Variants in PDSS2 observed in about 807,000 individuals in gnomAD.
PDSS2 encodes decaprenyl diphosphate synthase subunit 2.
PDSS2 carries 31 observed loss-of-function variants against 44.5 expected under a neutral mutation model. That is an observed-to-expected ratio of 0.70 (90% CI 0.52 to 0.94). The LOEUF (loss-of-function observed/expected upper bound fraction) is 0.94, where lower values mean the gene tolerates loss of function less well. Ranked by LOEUF, PDSS2 falls within the 40% of genes least tolerant of loss-of-function variation. PDSS2 has a pLI of 0.00. For missense variants in PDSS2, 452 were observed against 482.2 expected (o/e 0.94, Z 0.59); for synonymous variants, 157 against 180.3 (o/e 0.87, Z 1.03).
chr6:107,317,581 T>TGA (rs774730700), intron 2 of PDSS2, among the ~76,000 whole-genome samples: 2 of 152,222 alleles, frequency 1.3e-5, no homozygotes, highest in Non-Finnish European at 2.9e-5. Flanking sequence ...CAACCGTGCC[T>TGA]GACCTCCCAG....
chr6:107,398,774 C>T (rs898740560), intron 1 of PDSS2, among the ~76,000 whole-genome samples: 1 of 152,314 alleles, frequency 6.6e-6, no homozygotes, highest in African/African-American at 2.4e-5. Flanking sequence ...TCTTTTCCTG[C>T]GTGGGCTCCC....
At chr6:107,173,327 A>AT (rs1554249078) in intron 7 of PDSS2, among the ~76,000 whole-genome samples, 2 of 151,552 alleles carry the variant, frequency 1.3e-5, no homozygotes, top group African/African-American at 4.9e-5. Flanking sequence ...TAATCCCAGC[A>AT]TTTTGGGAGG....
At chr6:107,408,191 G>A (rs554945173) in intron 1 of PDSS2, among the ~76,000 whole-genome samples, 22 of 151,858 alleles carry the variant, frequency 1.4e-4, no homozygotes, top group Admixed American at 6.6e-4. Flanking sequence ...CACCATGCCC[G>A]GCTAATTTTT....
chr6:107,202,926 A>G (rs1279338294), intron 6 of PDSS2, among the ~76,000 whole-genome samples: 1 of 151,980 alleles, frequency 6.6e-6, no homozygotes, highest in African/African-American at 2.4e-5. Context: ...TGTATTATCT[A>G]CATAACAAAT....
chr6:107,157,135 G>A (rs1328517586), intron 7 of PDSS2, among the ~76,000 whole-genome samples: 2 of 152,026 alleles, frequency 1.3e-5, no homozygotes, highest in Admixed American at 6.6e-5. Flanking sequence ...TAAGTCCCTT[G>A]CCAAGCTAGC....
At chr6:107,339,651 G>C (rs918484432) in intron 1 of PDSS2, among the ~76,000 whole-genome samples, 1 of 152,138 alleles carries the variant, frequency 6.6e-6, no homozygotes, top group Non-Finnish European at 1.5e-5. Flanking sequence ...AACTTTGCAG[G>C]AAAGTCAGTC....
chr6:107,298,441 A>C (rs1218859736), intron 2 of PDSS2, among the ~76,000 whole-genome samples: 1 of 152,228 alleles, frequency 6.6e-6, no homozygotes, highest in African/African-American at 2.4e-5. Flanking sequence ...GAGGATGCAC[A>C]GTGGTTATAT....
intron 1 of PDSS2, among the ~76,000 whole-genome samples, chr6:107,419,828 T>C (rs897262367): frequency 3.9e-5 from 6 of 152,220 alleles, no homozygotes; most frequent in Non-Finnish European, 1.5e-5. Context: ...TCATATTCTT[T>C]CAGCAGCAAA....
intron 3 of PDSS2, among the ~76,000 whole-genome samples, chr6:107,263,991 G>A (rs1282903508): frequency 6.6e-6 from 1 of 151,946 alleles, no homozygotes; most frequent in Non-Finnish European, 1.5e-5. Flanking sequence ...ATTAACCTTG[G>A]GTGTCAAACT....
chr6:107,209,581 TTA>T (rs1491218362), intron 6 of PDSS2, among the ~76,000 whole-genome samples: 13 of 148,920 alleles, frequency 8.7e-5, no homozygotes, highest in African/African-American at 3.3e-4. Context: ...TTTTTTTTTT[TTA>T]AATTTCAAAA....
chr6:107,238,181 G>A (rs1427863780), intron 4 of PDSS2, among the ~76,000 whole-genome samples: 4 of 152,168 alleles, frequency 2.6e-5, no homozygotes, highest in Admixed American at 6.5e-5. Context: ...GGAAAGAGGT[G>A]TCTTGTTCCC....
chr6:107,448,680 GC>G (rs1562548183), intron 1 of PDSS2, among the ~76,000 whole-genome samples: 3 of 152,052 alleles, frequency 2.0e-5, no homozygotes, highest in African/African-American at 7.3e-5. Context: ...CTGCAAAGTC[GC>G]TTCCACATTT....
At chr6:107,277,978 A>AAAATAAAT (rs531298621) in intron 2 of PDSS2, among the ~76,000 whole-genome samples, 1 of 150,474 alleles carries the variant, frequency 6.6e-6, no homozygotes, top group African/African-American at 2.5e-5. Context: ...ATGAATAAAT[A>AAAATAAAT]AAATAAATAA....
At chr6:107,335,780 A>G (rs966755542) in intron 1 of PDSS2, among the ~76,000 whole-genome samples, 1 of 152,192 alleles carries the variant, frequency 6.6e-6, no homozygotes. Context: ...GCTCATGAGC[A>G]CTAATCAAAT....
At chr6:107,157,337 A>C (rs1305623747) in intron 7 of PDSS2, among the ~76,000 whole-genome samples, 3 of 151,984 alleles carry the variant, frequency 2.0e-5, no homozygotes, top group African/African-American at 7.2e-5. Context: ...GGCATGCACC[A>C]CTATCCTTGT....
intron 2 of PDSS2, among the ~76,000 whole-genome samples, chr6:107,276,416 T>C (rs567480377): frequency 4.6e-5 from 7 of 152,116 alleles, no homozygotes; most frequent in Admixed American, 6.6e-5. Context: ...TGGTGTGTGG[T>C]TGGGGGGAGG....
intron 2 of PDSS2, 25 bp from the exon 3 acceptor site, chr6:107,274,252 T>G (rs1214366394): frequency 1.3e-6 from 2 of 1,554,462 alleles, no homozygotes; most frequent in African/African-American, 2.7e-5. Flanking sequence ...TAAGATTTGT[T>G]AGAATATCAA....
intron 7 of PDSS2, among the ~76,000 whole-genome samples, chr6:107,182,467 G>A (rs767396131): frequency 3.9e-5 from 6 of 152,140 alleles, no homozygotes; most frequent in Non-Finnish European, 7.4e-5. Context: ...TGGGACTATA[G>A]GTACCCGCCA....
At chr6:107,290,687 C>G (rs1776315274) in intron 2 of PDSS2, among the ~76,000 whole-genome samples, 1 of 152,194 alleles carries the variant, frequency 6.6e-6, no homozygotes, top group Non-Finnish European at 1.5e-5. Context: ...TATGTATCTA[C>G]AAGGCTTAGC....
Sources: allele counts gnomAD v4.1 joint callset (sites outside exome capture counted in the v4.1 genomes callset), GRCh38; gene constraint gnomAD v4.1.1; transcripts MANE v1.5; gene names NCBI Gene and HGNC (gene_info 2026-07-23, HGNC 2026-07-21).